COL15A1: variants seen among roughly 807,000 people sequenced by gnomAD.
COL15A1 encodes collagen type XV alpha 1 chain.
A neutral mutation model predicts 165.9 loss-of-function variants in COL15A1; 111 were observed. That is an observed-to-expected ratio of 0.67 (90% CI 0.57 to 0.78). The LOEUF (loss-of-function observed/expected upper bound fraction) is 0.78, where lower values mean the gene tolerates loss of function less well. Ranked by LOEUF, COL15A1 falls within the 30% of genes least tolerant of loss-of-function variation. The pLI is 0.00. For missense variants in COL15A1, 1,745 were observed against 1,789.7 expected (o/e 0.98, Z 0.45); for synonymous variants, 659 against 674.8 (o/e 0.98, Z 0.36).
At position 99,034,614 on chromosome 9, in the gene COL15A1, AGAAC is replaced by A; in HGVS notation, c.2079+31_2079+34del. On this transcript the variant is annotated intron_variant, in intron 17 of 41. Coordinates refer to ENST00000375001, the MANE Select transcript of COL15A1 (RefSeq NM_001855.5). ...AAAAAAAAAAAAAAAAAAAAAAAAA[AGAAC>A]TTTCTTCTCCCTCCTCCCCTTTCTT... The A allele has an allele frequency of 8.9e-6, 12 of 1,352,804 alleles. No individual in the cohort carries two copies. The Admixed American group carries it at 9.7e-5, about 11-fold the overall frequency. 83.8% of individuals were successfully genotyped at this position (1,352,804 alleles called of 1,614,324 possible).
chr9:99,038,869 T>C, intron 22 of COL15A1, 136 bp downstream of exon 22: 3 of 592,020 alleles, frequency 5.1e-6, no homozygotes, highest in South Asian at 4.9e-5. Context: ...GAAAGAAAGC[T>C]TTGCATTTTT....
intron 9 of COL15A1, among the ~76,000 whole-genome samples, chr9:99,009,749 C>G (rs1230051552): frequency 6.6e-6 from 1 of 151,950 alleles, no homozygotes; most frequent in Non-Finnish European, 1.5e-5. Flanking sequence ...ACAATTAGCC[C>G]TAATAAAAAC....
intron 2 of COL15A1, among the ~76,000 whole-genome samples, chr9:98,963,953 G>A (rs12005047): frequency 0.26 from 38,940 of 152,138 alleles, 5,220 homozygotes; most frequent in Middle Eastern, 0.31. Context: ...GAACAAAATG[G>A]ACAGAATATG....
rs1161495561 is a variant in COL15A1, at chr9:99,032,120, G to A, written c.2044-2429G>A. Among the ~76,000 whole-genome samples the A allele has an allele frequency of 4.6e-5, 7 of 151,872 alleles. No individual in the cohort carries two copies. In the East Asian group the frequency reaches 1.2e-3, roughly 25 times the overall value. ...TCTTTGGCAAATTTGGGGATTTATT[G>A]TTCTTTATTCTTGGTGTTTAAAAAT... is the stretch of plus-strand genomic sequence containing the variant. On this transcript the variant is annotated intron_variant, in intron 16 of 41. Transcript: ENST00000375001.
chr9:98,969,912 G>A (rs1422313242), intron 2 of COL15A1, among the ~76,000 whole-genome samples: 1 of 152,138 alleles, frequency 6.6e-6, no homozygotes, highest in African/African-American at 2.4e-5. Context: ...AAAAAGAGTG[G>A]GGTTGTTGTG....
At chr9:98,969,561 G>A (rs1253606341) in intron 2 of COL15A1, among the ~76,000 whole-genome samples, 2 of 152,242 alleles carry the variant, frequency 1.3e-5, no homozygotes, top group African/African-American at 4.8e-5. Context: ...GACTGTGGGA[G>A]ACCCCCTCTC....
intron 21 of COL15A1, among the ~76,000 whole-genome samples, chr9:99,038,359 A>G (rs138290725): frequency 6.0e-4 from 92 of 152,358 alleles, no homozygotes; most frequent in African/African-American, 2.1e-3. Flanking sequence ...CCACATGGAC[A>G]AACACACACA....
chr9:99,054,849 A>T (rs1588536199), intron 32 of COL15A1, among the ~76,000 whole-genome samples, 193 bp downstream of exon 32: 1 of 152,210 alleles, frequency 6.6e-6, no homozygotes, highest in East Asian at 1.9e-4. Flanking sequence ...AGAGACCAGA[A>T]AATCCAATCA....
chr9:98,956,453 A>G (rs942396610), intron 2 of COL15A1, among the ~76,000 whole-genome samples: 4 of 152,194 alleles, frequency 2.6e-5, no homozygotes, highest in Non-Finnish European at 5.9e-5. Flanking sequence ...ATATACACAC[A>G]TGCATATCCA....
chr9:98,976,852 G>A (rs73501993), intron 2 of COL15A1, among the ~76,000 whole-genome samples: 2,398 of 152,268 alleles, frequency 0.016, 64 homozygotes, highest in African/African-American at 0.056. Flanking sequence ...AAGTGCAGGA[G>A]CGGGAATGCC....
intron 9 of COL15A1, among the ~76,000 whole-genome samples, chr9:99,008,852 C>T (rs984086100): frequency 5.9e-5 from 9 of 152,204 alleles, no homozygotes; most frequent in Admixed American, 5.9e-4. Context: ...TCAGATGATC[C>T]ACCTGCCTCA....
intron 9 of COL15A1, 69 bp from the exon 10 acceptor site, chr9:99,015,348 C>T (rs1012096227): frequency 1.2e-5 from 13 of 1,062,064 alleles, no homozygotes; most frequent in African/African-American, 7.8e-5. Context: ...TTCCACCCCC[C>T]AGCCTCACAC....
At chr9:99,060,912 C>T (rs188216015) in intron 36 of COL15A1, among the ~76,000 whole-genome samples, 1 of 152,090 alleles carries the variant, frequency 6.6e-6, no homozygotes, top group African/African-American at 2.4e-5. Flanking sequence ...ACAACAAAAG[C>T]CCAAGAGCAT....
intron 9 of COL15A1, among the ~76,000 whole-genome samples, chr9:99,009,276 ACTT>A (rs1461578545): frequency 2.6e-5 from 4 of 152,266 alleles, no homozygotes; most frequent in Non-Finnish European, 5.9e-5. Flanking sequence ...AAACTTGGTT[ACTT>A]CTGTGGCATA....
At chr9:99,064,442 G>C (rs530547157) in intron 39 of COL15A1, among the ~76,000 whole-genome samples, 1 of 152,328 alleles carries the variant, frequency 6.6e-6, no homozygotes, top group Admixed American at 6.5e-5. Flanking sequence ...GGAAACCTGA[G>C]TGGAGACTAC....
At chr9:99,031,347 G>A (rs533872341) in intron 16 of COL15A1, among the ~76,000 whole-genome samples, 3 of 152,118 alleles carry the variant, frequency 2.0e-5, no homozygotes, top group East Asian at 1.9e-4. Context: ...CATGCCCCAC[G>A]CATGCCCCCA....
chr9:99,033,114 T>C (rs1351696528), intron 16 of COL15A1, among the ~76,000 whole-genome samples: 1 of 152,248 alleles, frequency 6.6e-6, no homozygotes, highest in East Asian at 1.9e-4. Flanking sequence ...GAAATTGGGA[T>C]CCTGCCTGAG....
intron 22 of COL15A1, 66 bp downstream of exon 22, chr9:99,038,799 G>T: frequency 1.0e-6 from 1 of 954,670 alleles, no homozygotes; most frequent in Admixed American, 1.8e-5. Flanking sequence ...ACAAAGTCGG[G>T]TTACTTTGGA....
intron 11 of COL15A1, 117 bp downstream of exon 11, chr9:99,016,236 G>C (rs1838933542): frequency 6.7e-6 from 9 of 1,344,634 alleles, no homozygotes; most frequent in Non-Finnish European, 8.8e-6. Context: ...TTTTCATGTT[G>C]GTTTGCAAAT....
Sources: gnomAD v4.1 joint callset for allele counts (sites outside exome capture counted in the v4.1 genomes callset) on GRCh38, gnomAD v4.1.1 for gene constraint, MANE v1.5 for transcripts, NCBI Gene and HGNC (gene_info 2026-07-23, HGNC 2026-07-21) for gene names.